Variants in YY1 observed in about 807,000 individuals in gnomAD.
The protein encoded by YY1 is transcriptional repressor protein YY1.
YY1 carries 2 observed loss-of-function variants against 35.6 expected under a neutral mutation model. The ratio of observed to expected loss-of-function variants is 0.06; its 90% CI spans 0.02 to 0.18. YY1 has a LOEUF of 0.18. Ranked by LOEUF, YY1 falls within the 10% of genes least tolerant of loss-of-function variation. YY1 has a pLI of 1.00. For missense variants in YY1, 322 were observed against 573.4 expected (o/e 0.56, Z 4.48); for synonymous variants, 268 against 238.9 (o/e 1.12, Z -1.12).
chr14:100,274,798 A>G (rs1166632172), intron 3 of YY1, 40 bp downstream of exon 3: 2 of 1,583,432 alleles, frequency 1.3e-6, no homozygotes, highest in South Asian at 1.1e-5. Flanking sequence ...TAAACTGTTG[A>G]TGAAGTTTTA....
At chr14:100,250,159 T>C (rs1890903073) in intron 1 of YY1, among the ~76,000 whole-genome samples, 1 of 152,198 alleles carries the variant, frequency 6.6e-6, no homozygotes, top group African/African-American at 2.4e-5. Flanking sequence ...CTTAAAGATA[T>C]TGTTTGGATT....
chr14:100,265,647 C>CTT (rs10594089), intron 2 of YY1, among the ~76,000 whole-genome samples: 39 of 104,426 alleles, frequency 3.7e-4, no homozygotes, highest in Admixed American at 6.4e-4. Flanking sequence ...AACACTGAAG[C>CTT]TTTTTTTTTT....
chr14:100,272,170 C>T (rs1337299962), intron 2 of YY1, among the ~76,000 whole-genome samples: 1 of 151,840 alleles, frequency 6.6e-6, no homozygotes, highest in Non-Finnish European at 1.5e-5. Context: ...GTGGCGGGCG[C>T]CTGTAGTCCC....
chr14:100,242,630 C>T (rs1325509593), intron 1 of YY1, among the ~76,000 whole-genome samples: 7 of 152,014 alleles, frequency 4.6e-5, no homozygotes, highest in African/African-American at 1.7e-4. Flanking sequence ...CCTCGTGATC[C>T]GCCTGCCTCG....
chr14:100,249,752 T>TTTG (rs1300933247), intron 1 of YY1, among the ~76,000 whole-genome samples: 2 of 84,904 alleles, frequency 2.4e-5, no homozygotes, highest in Admixed American at 1.1e-4. Context: ...CTTACCGTTT[T>TTTG]TTTTTTTGTT....
At chr14:100,274,817 T>A (rs1391215589) in intron 3 of YY1, 59 bp downstream of exon 3, 1 of 1,535,044 alleles carries the variant, frequency 6.5e-7, no homozygotes, top group African/African-American at 1.4e-5. Flanking sequence ...TAGAGAGTTA[T>A]AAGAAATTTG....
At position 100,239,274 on chromosome 14, in the gene YY1, C is replaced by T. The variant is rs568817843; in HGVS notation, c.30C>T (p.Ala10=). Residue 10 remains alanine (A), a synonymous_variant, in exon 1 of 5, where the codon GCC becomes GCT. Transcript: ENST00000262238. The stretch of plus-strand genomic sequence containing the variant: ...CCTCGGGCGACACCCTCTACATCGC[C>T]ACGGACGGCTCGGAGATGCCGGCCG... MASGDTLYI[A]TDGSEMPAEI... The T allele has an allele frequency of 2.0e-5, 32 of 1,586,422 alleles. No individual in the cohort carries two copies. In the Admixed American group the frequency reaches 4.6e-4, roughly 23 times the overall value.
rs902668611 is a variant in YY1, at chr14:100,273,177, A to G, written c.843-1521A>G. On this transcript the variant is annotated intron_variant, in intron 2 of 4. Transcript: ENST00000262238. ...ATGGGGTTTCACCATGTTGGCCAAC[A>G]TAGTGTCAAACTCCTGGCCTCAAGT... 7.9e-5 allele frequency among the ~76,000 whole-genome samples: 12 copies of G among 152,136 alleles called. No individual in the cohort carries two copies. In the East Asian group the frequency reaches 1.2e-3, roughly 15 times the overall value.
At chr14:100,264,183 A>T (rs1366008479) in intron 2 of YY1, 1 of 150,026 alleles carries the variant, frequency 6.7e-6, no homozygotes, top group East Asian at 2.0e-4. Flanking sequence ...TTTGTTTGTT[A>T]GTTTTGTTTT....
chr14:100,276,192 G>C lies in YY1; in HGVS notation c.904-298G>C, dbSNP rs1891314942. On this transcript the variant is annotated intron_variant, in intron 3 of 4. Transcript: ENST00000262238. This position sits in a 1 kb window ranked among gnomAD's most constrained non-coding sequence, Gnocchi z 4.1. ...GTAGAGCTGGAAGCCAGGGTGTTGG[G>C]TTCTATTCCCAGTTTGGCTACTACT... 2.5e-6 allele frequency: 1 copy of C among 401,280 alleles called. No homozygotes were observed. The highest frequency in any genetic ancestry group is 2.1e-5 in the African/African-American group (1 of 48,666). The allele number at this position is 401,280 out of a possible 1,614,324, so 24.9% of individuals were successfully genotyped here.
At chr14:100,253,623 C>G (rs1009073506) in intron 1 of YY1, among the ~76,000 whole-genome samples, 4 of 151,992 alleles carry the variant, frequency 2.6e-5, no homozygotes, top group African/African-American at 9.7e-5. Flanking sequence ...TCACCTTAAC[C>G]TCAGGTGACC....
rs540946090 is a variant in YY1, at chr14:100,280,252, A to T, written c.*2652A>T. Reference sequence around the variant, plus strand: ...GTAATTTACTAAGGTTTGAAATGGTATTCTAACAGTGAGTCCATTGTCTTG... The same window carrying T: ...GTAATTTACTAAGGTTTGAAATGGTTTTCTAACAGTGAGTCCATTGTCTTG... On this transcript the variant is annotated 3_prime_UTR_variant, in exon 5 of 5. Transcript: ENST00000262238. The T allele has an allele frequency of 3.3e-5, 5 of 152,240 alleles. No individual in the cohort carries two copies. Among genetic ancestry groups the T allele is most frequent in the Non-Finnish European group, 5.9e-5 (4 of 68,040 alleles). 9.4% of individuals were successfully genotyped at this position (152,240 alleles called of 1,614,324 possible).
intron 1 of YY1, among the ~76,000 whole-genome samples, chr14:100,246,731 G>A (rs1372650817): frequency 6.6e-6 from 1 of 152,134 alleles, no homozygotes; most frequent in African/African-American, 2.4e-5. Context: ...AGTCATGACC[G>A]TTTGCCATTC....
chr14:100,249,312 G>A (rs560853090), intron 1 of YY1, among the ~76,000 whole-genome samples: 1 of 151,366 alleles, frequency 6.6e-6, no homozygotes, highest in Non-Finnish European at 1.5e-5. Flanking sequence ...GTAGAGATGG[G>A]GTTGCACCAT....
chr14:100,281,052 T>TC lies in YY1; in HGVS notation c.*3454dup, dbSNP rs1891416637. 1.3e-5 allele frequency: 1 copy of TC among 79,782 alleles called. No individual in the cohort carries two copies. 4.9% of individuals were successfully genotyped at this position (79,782 alleles called of 1,614,324 possible). The stretch of plus-strand genomic sequence containing the variant: ...TCCAGCCTGGGTGACAGAGCAAGAC[T>TC]CCGTCTCCCAAAAAAAAAAAAAAAA... On this transcript the variant is annotated 3_prime_UTR_variant, in exon 5 of 5. Transcript: ENST00000262238.
Position 100,278,399 on chromosome 14 carries a change from T to C in YY1, c.*799T>C, listed in dbSNP as rs1303392001. ...TGGTGCTCAGTTGTAGAATGTATTG[T>C]ACCTTTTAACACCTGATGTGTACAT... On this transcript the variant is annotated 3_prime_UTR_variant, in exon 5 of 5. Coordinates refer to ENST00000262238, the MANE Select transcript of YY1 (RefSeq NM_003403.5). 2.0e-5 allele frequency: 3 copies of C among 152,694 alleles called. No individual in the cohort carries two copies. Among genetic ancestry groups the C allele is most frequent in the Non-Finnish European group, 4.4e-5 (3 of 68,074 alleles). 9.5% of individuals were successfully genotyped at this position (152,694 alleles called of 1,614,324 possible).
chr14:100,276,835 T>C lies in YY1; in HGVS notation c.1062+187T>C. On this transcript the variant is annotated intron_variant, in intron 4 of 4. Coordinates refer to ENST00000262238, the MANE Select transcript of YY1 (RefSeq NM_003403.5). The surrounding 1 kb of genome is among the most constrained non-coding windows in gnomAD (Gnocchi z 4.1). ...TGCCGGGGCTCTGGACATCCTTGTC[T>C]ATACTCTGTGGTACTGGGTACGCAA... 1.3e-6 allele frequency: 1 copy of C among 741,840 alleles called. No individual in the cohort carries two copies. The highest frequency in any genetic ancestry group is 2.2e-6 in the Non-Finnish European group (1 of 449,110). 46.0% of individuals were successfully genotyped at this position (741,840 alleles called of 1,614,324 possible).
At chr14:100,261,039 C>T (rs1891080164) in intron 1 of YY1, among the ~76,000 whole-genome samples, 2 of 151,434 alleles carry the variant, frequency 1.3e-5, no homozygotes, top group South Asian at 4.2e-4. Flanking sequence ...TTAAGTGATC[C>T]TCCTGTCTTG....
chr14:100,273,162 A>G (rs1396694681), intron 2 of YY1, among the ~76,000 whole-genome samples: 1 of 151,636 alleles, frequency 6.6e-6, no homozygotes, highest in Admixed American at 6.6e-5. Context: ...ATGGGGTTTC[A>G]CCATGTTGGC....
Sources: allele counts gnomAD v4.1 joint callset (sites outside exome capture counted in the v4.1 genomes callset), GRCh38; gene constraint gnomAD v4.1.1; non-coding constraint Gnocchi (gnomAD v3.1); transcripts MANE v1.5; gene names NCBI Gene and HGNC (gene_info 2026-07-23, HGNC 2026-07-21).